The following YAE1 variants were observed in gnomAD, a reference collection of about 807,000 sequenced individuals.
YAE1 encodes the protein protein YAE1 homolog.
In YAE1, 22 loss-of-function variants were observed where a neutral mutation model predicts 23.0. That is an observed-to-expected ratio of 0.96 (90% CI 0.68 to 1.37). The LOEUF (loss-of-function observed/expected upper bound fraction) is 1.37. YAE1 is among the 40% of genes most tolerant of loss of function. The pLI, the probability that YAE1 is intolerant of heterozygous loss-of-function variation, is 0.00. For missense variants in YAE1, 260 were observed against 262.1 expected (o/e 0.99, Z 0.06); for synonymous variants, 101 against 97.0 (o/e 1.04, Z -0.24).
At chr7:39,601,341 C>T (rs1320926912) in intron 2 of YAE1, among the ~76,000 whole-genome samples, 1 of 152,126 alleles carries the variant, frequency 6.6e-6, no homozygotes, top group African/African-American at 2.4e-5. Context: ...TCTGTAACCA[C>T]CTTTAATACT....
At chr7:39,610,039 C>A in exon 3 of YAE1, 1 of 1,483,356 alleles carries the variant, frequency 6.7e-7, no homozygotes. Flanking sequence ...AGCCTCAGTC[C>A]TCAGCACCCA....
chr7:39,569,842 G>C, intron 1 of YAE1: 2 of 832,358 alleles, frequency 2.4e-6, no homozygotes, highest in Non-Finnish European at 4.3e-6. Flanking sequence ...AAGTCCTTCT[G>C]AGTCCTTGGA....
At chr7:39,570,039 G>A (rs28657873) in intron 1 of YAE1, 37,009 of 1,363,798 alleles carry the variant, frequency 0.027, 1,253 homozygotes, top group African/African-American at 0.15. Flanking sequence ...GGGCACCACG[G>A]GGCATAAAAT....
chr7:39,604,145 G>T (rs1038642546), intron 2 of YAE1, among the ~76,000 whole-genome samples: 7 of 152,220 alleles, frequency 4.6e-5, no homozygotes, highest in African/African-American at 1.7e-4. Flanking sequence ...GACATTTCCA[G>T]CTGAGAGCAA....
chr7:39,598,824 GAGA>G (rs1008833905), intron 2 of YAE1, among the ~76,000 whole-genome samples: 3 of 150,296 alleles, frequency 2.0e-5, no homozygotes, highest in Non-Finnish European at 3.0e-5. Flanking sequence ...AGGCAACAAA[GAGA>G]AGGAGAAGAA....
At chr7:39,597,032 T>G (rs1415507290) in intron 2 of YAE1, among the ~76,000 whole-genome samples, 3 of 152,240 alleles carry the variant, frequency 2.0e-5, no homozygotes, top group Non-Finnish European at 4.4e-5. Flanking sequence ...AAGACATTTC[T>G]GTGATAAGTC....
Position 39,570,563 on chromosome 7 carries a change from A to G in YAE1, c.187A>G (p.Asn63Asp), listed in dbSNP as rs1255789804. ...GKAVTLQQGF[N>D]QGYKKGAEVI... ...AGCAGTTACTCTTCAACAGGGCTTCAATCAAGGTTATAAGAAAGGTGCAGA... is the reference window on the plus strand; with the variant it reads ...AGCAGTTACTCTTCAACAGGGCTTCGATCAAGGTTATAAGAAAGGTGCAGA... The change falls in exon 2 of 3, where the codon AAT becomes GAT. Residue 63 changes from asparagine to aspartate, a missense_variant. Transcript: ENST00000223273. The G allele has an allele frequency of 1.6e-5, 26 of 1,611,398 alleles. No individual in the cohort carries two copies. Among genetic ancestry groups the G allele is most frequent in the Non-Finnish European group, 2.2e-5 (26 of 1,179,598 alleles).
chr7:39,599,710 A>C (rs1562596327), intron 2 of YAE1, among the ~76,000 whole-genome samples: 1 of 150,516 alleles, frequency 6.6e-6, no homozygotes, highest in Non-Finnish European at 1.5e-5. Context: ...TATTGTTTTT[A>C]TTTATTTTAT....
chr7:39,570,403 A>C, intron 1 of YAE1, 103 bp from the exon 2 acceptor site: 15 of 1,330,098 alleles, frequency 1.1e-5, no homozygotes, highest in African/African-American at 3.0e-5. Context: ...TAACACAGTA[A>C]AGGCCTAATT....
At chr7:39,570,429 T>A (rs1318626078) in intron 1 of YAE1, 77 bp from the exon 2 acceptor site, 1 of 1,548,908 alleles carries the variant, frequency 6.5e-7, no homozygotes. Context: ...GCTTTCTAAA[T>A]TGGTTCTGTA....
At chr7:39,608,253 T>A (rs1249040607) in intron 2 of YAE1, among the ~76,000 whole-genome samples, 1 of 152,248 alleles carries the variant, frequency 6.6e-6, no homozygotes, top group Non-Finnish European at 1.5e-5. Context: ...AGCCTTTCAA[T>A]AATTTATTTA....
chr7:39,587,617 C>G (rs1282928536), intron 2 of YAE1, among the ~76,000 whole-genome samples: 1 of 152,336 alleles, frequency 6.6e-6, no homozygotes, highest in South Asian at 2.1e-4. Context: ...GTCACCCATG[C>G]AACACATCTG....
At chr7:39,576,582 T>C (rs1790659616), downstream of YAE1, among the ~76,000 whole-genome samples, 1 of 152,204 alleles carries the variant, frequency 6.6e-6, no homozygotes, top group South Asian at 2.1e-4. Context: ...AATACTTTAT[T>C]CCACGTCCTT....
chr7:39,607,350 C>T (rs1358744551), intron 2 of YAE1, among the ~76,000 whole-genome samples: 2 of 152,130 alleles, frequency 1.3e-5, no homozygotes, highest in East Asian at 1.9e-4. Context: ...AGGAAGTTAT[C>T]CTGGATTATC....
chr7:39,583,729 G>A (rs893200258), intron 2 of YAE1, among the ~76,000 whole-genome samples: 3 of 151,896 alleles, frequency 2.0e-5, no homozygotes. Context: ...TAATGGTAGT[G>A]ACATCATTGT....
chr7:39,605,262 T>C (rs902981572), intron 2 of YAE1, among the ~76,000 whole-genome samples: 5 of 152,236 alleles, frequency 3.3e-5, no homozygotes, highest in Admixed American at 2.6e-4. Context: ...TGAGCTGTGA[T>C]GGTTAATTTT....
chr7:39,599,437 G>A (rs78539802), intron 2 of YAE1, among the ~76,000 whole-genome samples: 12,653 of 151,742 alleles, frequency 0.083, 719 homozygotes, highest in East Asian at 0.18. Context: ...ATGCAGTGGC[G>A]CAATCTCAGC....
chr7:39,598,370 G>C (rs1241484589), intron 2 of YAE1, among the ~76,000 whole-genome samples: 3 of 150,238 alleles, frequency 2.0e-5, no homozygotes, highest in Non-Finnish European at 4.4e-5. Flanking sequence ...TCGCCTTCCA[G>C]AGTACTAGGA....
At chr7:39,590,420 T>C (rs1790885800) in intron 2 of YAE1, among the ~76,000 whole-genome samples, 2 of 152,226 alleles carry the variant, frequency 1.3e-5, no homozygotes, top group African/African-American at 4.8e-5. Context: ...ATATGATCCC[T>C]ATTTTACAGA....
Sources: allele counts gnomAD v4.1 joint callset (sites outside exome capture counted in the v4.1 genomes callset), GRCh38; gene constraint gnomAD v4.1.1; transcripts MANE v1.5; gene names NCBI Gene and HGNC (gene_info 2026-07-23, HGNC 2026-07-21).